The following PTPRD variants were observed in gnomAD, a reference collection of about 807,000 sequenced individuals.
The protein encoded by PTPRD is receptor-type tyrosine-protein phosphatase delta.
Under a neutral mutation model 214.5 loss-of-function variants are expected in PTPRD, and 34 were observed. The ratio of observed to expected loss-of-function variants is 0.16; its 90% CI spans 0.12 to 0.21. The LOEUF is 0.21. Among genes scored for constraint, PTPRD ranks in the 10% least tolerant of loss-of-function variants. The pLI is 1.00. For synonymous variants in PTPRD, 1,128 were observed against 845.7 expected (o/e 1.33, Z -5.79); for missense variants, 2,545 against 2,398.7 (o/e 1.06, Z -1.27).
chr9:10,477,927 C>A (rs973154460), intron 2 of PTPRD, among the ~76,000 whole-genome samples: 3 of 151,708 alleles, frequency 2.0e-5, no homozygotes, highest in Admixed American at 1.3e-4. Context: ...GGGAGCTGAA[C>A]AATGAGAACA....
At chr9:9,939,731 G>T (rs2090857245) in intron 4 of PTPRD, among the ~76,000 whole-genome samples, 1 of 152,008 alleles carries the variant, frequency 6.6e-6, no homozygotes, top group Admixed American at 6.6e-5. Flanking sequence ...GTCAAGCTTG[G>T]AACCACTTAT....
intron 35 of PTPRD, among the ~76,000 whole-genome samples, chr9:8,408,121 G>C (rs1043778247): frequency 6.6e-6 from 1 of 152,142 alleles, no homozygotes; most frequent in African/African-American, 2.4e-5. Flanking sequence ...TCTTAAGGAA[G>C]AGTGAGATGG....
chr9:9,461,793 A>G (rs979623424), intron 8 of PTPRD, among the ~76,000 whole-genome samples: 11 of 152,150 alleles, frequency 7.2e-5, no homozygotes, highest in African/African-American at 2.4e-4. Context: ...GTTAAACAGT[A>G]AATGAACTGT....
At chr9:10,145,779 T>G (rs9695959) in intron 3 of PTPRD, among the ~76,000 whole-genome samples, 58,505 of 151,714 alleles carry the variant, frequency 0.39, 11,484 homozygotes, top group South Asian at 0.5. Context: ...ACAGAAAAAA[T>G]TCAAAGTATG....
chr9:9,139,567 G>A (rs980365116), intron 10 of PTPRD, among the ~76,000 whole-genome samples: 19 of 152,100 alleles, frequency 1.2e-4, no homozygotes, highest in Middle Eastern at 6.3e-3. Context: ...TGGCTACTAA[G>A]TGACTCAGGA....
intron 11 of PTPRD, among the ~76,000 whole-genome samples, chr9:8,762,198 G>T (rs1484142671): frequency 6.6e-6 from 1 of 152,030 alleles, no homozygotes; most frequent in Non-Finnish European, 1.5e-5. Context: ...TTTTTCCTCT[G>T]CATTCAATAG....
chr9:8,332,624 G>T (rs1842581952), intron 43 of PTPRD, among the ~76,000 whole-genome samples: 1 of 148,356 alleles, frequency 6.7e-6, no homozygotes, highest in African/African-American at 2.6e-5. Flanking sequence ...AGTATATCTG[G>T]GTTGAAAAGA....
chr9:9,135,575 C>G (rs1241591289), intron 10 of PTPRD, among the ~76,000 whole-genome samples: 1 of 152,038 alleles, frequency 6.6e-6, no homozygotes, highest in Non-Finnish European at 1.5e-5. Flanking sequence ...CAGAAGGTGG[C>G]TAAGTGCGAT....
intron 2 of PTPRD, among the ~76,000 whole-genome samples, chr9:10,497,553 TAA>T (rs2042432102): frequency 6.6e-6 from 1 of 152,062 alleles, no homozygotes; most frequent in Non-Finnish European, 1.5e-5. Flanking sequence ...TTTGCGCATT[TAA>T]AAGTCTATAA....
intron 11 of PTPRD, among the ~76,000 whole-genome samples, chr9:8,925,266 C>T (rs1287368677): frequency 1.3e-5 from 2 of 152,040 alleles, no homozygotes; most frequent in Non-Finnish European, 2.9e-5. Context: ...ACTTATTGGT[C>T]ACCTTCCTAC....
intron 12 of PTPRD, among the ~76,000 whole-genome samples, chr9:8,640,681 TAAAAA>T (rs59897269): frequency 2.6e-4 from 35 of 133,130 alleles, no homozygotes; most frequent in Admixed American, 1.8e-3. Context: ...AGAAATTCTG[TAAAAA>T]AAAAAAAAAA....
intron 6 of PTPRD, among the ~76,000 whole-genome samples, chr9:9,753,190 C>A (rs550929945): frequency 6.6e-6 from 1 of 152,092 alleles, no homozygotes; most frequent in South Asian, 2.1e-4. Flanking sequence ...CCAAGGACAT[C>A]ACTACTGTAA....
intron 11 of PTPRD, among the ~76,000 whole-genome samples, chr9:8,818,798 T>A (rs2096978182): frequency 6.6e-6 from 1 of 152,262 alleles, no homozygotes; most frequent in Admixed American, 6.5e-5. Flanking sequence ...TAATCACGAT[T>A]TTGAATTTCA....
At chr9:10,375,882 C>A (rs2097718454) in intron 2 of PTPRD, among the ~76,000 whole-genome samples, 1 of 151,938 alleles carries the variant, frequency 6.6e-6, no homozygotes, top group Non-Finnish European at 1.5e-5. Context: ...GCTTATCGTG[C>A]CCTATTTTGA....
At chr9:9,234,685 G>A (rs540431842) in intron 9 of PTPRD, among the ~76,000 whole-genome samples, 2 of 152,144 alleles carry the variant, frequency 1.3e-5, no homozygotes, top group African/African-American at 4.8e-5. Flanking sequence ...AAAGGACAGG[G>A]GCAAAATGCC....
At chr9:9,702,124 GAA>G (rs2097517872) in intron 7 of PTPRD, among the ~76,000 whole-genome samples, 1 of 151,648 alleles carries the variant, frequency 6.6e-6, no homozygotes, top group Non-Finnish European at 1.5e-5. Context: ...CGTCTCAAAA[GAA>G]AGAGAGAGAG....
At chr9:9,268,614 T>C (rs1207117621) in intron 9 of PTPRD, among the ~76,000 whole-genome samples, 3 of 151,036 alleles carry the variant, frequency 2.0e-5, no homozygotes, top group Non-Finnish European at 4.4e-5. Context: ...TTTCAAATTA[T>C]AATAAAAACC....
intron 8 of PTPRD, among the ~76,000 whole-genome samples, chr9:9,524,907 G>GA (rs2073697316): frequency 6.6e-6 from 1 of 152,178 alleles, no homozygotes; most frequent in South Asian, 2.1e-4. Flanking sequence ...GCCCAGGCTG[G>GA]AGTACAGTGG....
intron 7 of PTPRD, among the ~76,000 whole-genome samples, chr9:9,602,251 A>G (rs1280083362): frequency 6.6e-6 from 1 of 152,090 alleles, no homozygotes; most frequent in Non-Finnish European, 1.5e-5. Flanking sequence ...AAAAATATAC[A>G]TGATAAAATG....
Sources: allele counts gnomAD v4.1 joint callset (sites outside exome capture counted in the v4.1 genomes callset), GRCh38; gene constraint gnomAD v4.1.1; transcripts MANE v1.5; gene names NCBI Gene and HGNC (gene_info 2026-07-23, HGNC 2026-07-21).